Variants in ENTREP2 observed in about 807,000 individuals in gnomAD.
The protein encoded by ENTREP2 is protein ENTREP2.
the ENTREP2 span, among the ~76,000 whole-genome samples, chr15:29,225,811 G>A: frequency 2.6e-5 from 4 of 152,240 alleles, no homozygotes; most frequent in East Asian, 1.9e-4. Flanking sequence ...ATGAGCCTCC[G>A]GGCCTTGTCC....
the ENTREP2 span, among the ~76,000 whole-genome samples, chr15:29,601,282 G>A: frequency 6.6e-6 from 1 of 152,106 alleles, no homozygotes; most frequent in Admixed American, 6.6e-5. Flanking sequence ...AAATGAAAAG[G>A]AACAGTAAAA....
chr15:29,171,622 A>G, the ENTREP2 span, among the ~76,000 whole-genome samples: 99 of 152,254 alleles, frequency 6.5e-4, no homozygotes, highest in Non-Finnish European at 7.4e-4. Context: ...TTGTATTTAT[A>G]TTAGCAATAC....
At chr15:29,408,567 C>T in the ENTREP2 span, among the ~76,000 whole-genome samples, 84 of 152,232 alleles carry the variant, frequency 5.5e-4, no homozygotes, top group Non-Finnish European at 8.8e-5. Context: ...CTGAGAATAA[C>T]TCCTGTATCA....
the ENTREP2 span, among the ~76,000 whole-genome samples, chr15:29,271,682 TG>T: frequency 6.6e-6 from 1 of 152,212 alleles, no homozygotes; most frequent in East Asian, 1.9e-4. Flanking sequence ...CTGCTTGCTC[TG>T]ATCAATCACG....
chr15:29,538,406 G>A, the ENTREP2 span, among the ~76,000 whole-genome samples: 1,785 of 152,076 alleles, frequency 0.012, 30 homozygotes, highest in African/African-American at 0.041. Flanking sequence ...GGCTGAACTC[G>A]GAAATTATTA....
chr15:29,340,126 A>G, the ENTREP2 span, among the ~76,000 whole-genome samples: 1 of 152,226 alleles, frequency 6.6e-6, no homozygotes, highest in African/African-American at 2.4e-5. Context: ...GAGTCTGTCA[A>G]TTAGATGCAA....
At chr15:29,135,197 T>C in the ENTREP2 span, among the ~76,000 whole-genome samples, 33,925 of 151,184 alleles carry the variant, frequency 0.22, 12,618 homozygotes, top group African/African-American at 0.78. The surrounding 1 kb of genome is among the most constrained non-coding windows in gnomAD (Gnocchi z 7.4). Flanking sequence ...TCCCCAGCCA[T>C]GCCCCAGTCC....
chr15:29,188,784 C>A, the ENTREP2 span, among the ~76,000 whole-genome samples: 1 of 152,180 alleles, frequency 6.6e-6, no homozygotes, highest in Non-Finnish European at 1.5e-5. Context: ...TTGGGGCTTT[C>A]AGCCCCACTC....
At chr15:29,148,090 G>GGATA in the ENTREP2 span, among the ~76,000 whole-genome samples, 69 of 152,280 alleles carry the variant, frequency 4.5e-4, no homozygotes, top group Non-Finnish European at 8.2e-4. Flanking sequence ...TGCAGAACAG[G>GGATA]CAAATCCATG....
chr15:29,459,110 A>G, the ENTREP2 span, among the ~76,000 whole-genome samples: 1 of 152,160 alleles, frequency 6.6e-6, no homozygotes, highest in Non-Finnish European at 1.5e-5. Context: ...CATCCAATCA[A>G]CAGGGGTCCC....
At chr15:29,502,812 T>C in the ENTREP2 span, among the ~76,000 whole-genome samples, 3 of 151,940 alleles carry the variant, frequency 2.0e-5, no homozygotes, top group Admixed American at 2.0e-4. Flanking sequence ...TAAGAAGATA[T>C]ACAAATGGCC....
At chr15:29,182,125 G>C in the ENTREP2 span, among the ~76,000 whole-genome samples, 1 of 150,904 alleles carries the variant, frequency 6.6e-6, no homozygotes, top group Non-Finnish European at 1.5e-5. Flanking sequence ...GTAAAAAAAA[G>C]AATTTTTTTT....
chr15:29,642,200 C>A, the ENTREP2 span, among the ~76,000 whole-genome samples: 1 of 151,968 alleles, frequency 6.6e-6, no homozygotes, highest in Non-Finnish European at 1.5e-5. Flanking sequence ...AAAAGAAGAA[C>A]AAATCTGTAG....
chr15:29,365,036 T>G, the ENTREP2 span, among the ~76,000 whole-genome samples: 2 of 152,148 alleles, frequency 1.3e-5, no homozygotes, highest in African/African-American at 4.8e-5. Flanking sequence ...ACAGAATAGT[T>G]TCACTGCCCT....
the ENTREP2 span, among the ~76,000 whole-genome samples, chr15:29,134,753 G>A: frequency 6.6e-6 from 1 of 152,164 alleles, no homozygotes; most frequent in Non-Finnish European, 1.5e-5. Flanking sequence ...AGCTCCTCAG[G>A]GTCAGCGCTG....
At chr15:29,531,455 ACTC>A in the ENTREP2 span, among the ~76,000 whole-genome samples, 8 of 152,106 alleles carry the variant, frequency 5.3e-5, no homozygotes, top group Non-Finnish European at 1.0e-4. Flanking sequence ...AGACAGGCCA[ACTC>A]CTGTCTGAGG....
the ENTREP2 span, among the ~76,000 whole-genome samples, chr15:29,337,228 G>T: frequency 4.6e-5 from 7 of 152,188 alleles, no homozygotes; most frequent in African/African-American, 1.2e-4. Context: ...CTAAGGGAAA[G>T]CATGGAGCTG....
At chr15:29,396,019 C>T in the ENTREP2 span, among the ~76,000 whole-genome samples, 2 of 152,146 alleles carry the variant, frequency 1.3e-5, no homozygotes, top group African/African-American at 4.8e-5. Flanking sequence ...ATAAAATGTA[C>T]AACATGATTC....
the ENTREP2 span, among the ~76,000 whole-genome samples, chr15:29,304,798 TG>T: frequency 1.8e-4 from 27 of 152,150 alleles, no homozygotes; most frequent in Non-Finnish European, 2.9e-4. Context: ...CAGGGCCTCC[TG>T]GTTGCTCTTA....
Sources: allele counts gnomAD v4.1 joint callset (sites outside exome capture counted in the v4.1 genomes callset), GRCh38; gene constraint gnomAD v4.1.1; non-coding constraint Gnocchi (gnomAD v3.1); transcripts MANE v1.5; gene names NCBI Gene and HGNC (gene_info 2026-07-23, HGNC 2026-07-21).